PCSK5: variants seen among roughly 807,000 people sequenced by gnomAD.
PCSK5 encodes the protein prohormone convertase 5.
In PCSK5, 129 loss-of-function variants were observed where a neutral mutation model predicts 233.2. The ratio of observed to expected loss-of-function variants is 0.55; its 90% CI spans 0.48 to 0.64. The LOEUF is 0.64. PCSK5 is among the 30% of genes least tolerant of loss of function. PCSK5 has a pLI of 0.00. For synonymous variants in PCSK5, 825 were observed against 879.2 expected, an observed-to-expected ratio of 0.94 and a Z score of 1.09; for missense variants, 2,076 against 2,430.1, an observed-to-expected ratio of 0.85 and a Z score of 3.06.
At chr9:76,328,975 A>ATTTTTTTTTTTTTTTTTTTT (rs59466685) in intron 33 of PCSK5, among the ~76,000 whole-genome samples, 14 of 123,702 alleles carry the variant, frequency 1.1e-4, no homozygotes, top group Non-Finnish European at 1.3e-4. Context: ...CTCCCGGCTA[A>ATTTTTTTTTTTTTTTTTTTT]TTTTTTTTTT....
intron 10 of PCSK5, among the ~76,000 whole-genome samples, chr9:76,137,271 C>T (rs1823025780): frequency 6.6e-6 from 1 of 152,090 alleles, no homozygotes; most frequent in African/African-American, 2.4e-5. Flanking sequence ...TGGAGGTGCT[C>T]ACTGATGAGC....
chr9:76,169,185 T>G (rs1823221659), intron 12 of PCSK5, among the ~76,000 whole-genome samples: 1 of 152,166 alleles, frequency 6.6e-6, no homozygotes, highest in African/African-American at 2.4e-5. Context: ...ACTTGAGTTG[T>G]TTACAGTTTT....
At chr9:76,322,919 AG>A (rs1829248687) in intron 31 of PCSK5, 132 bp from the exon 32 acceptor site, 2 of 621,706 alleles carry the variant, frequency 3.2e-6, no homozygotes. Flanking sequence ...ATGCCCTGGC[AG>A]GGTGGGTAAA....
intron 24 of PCSK5, among the ~76,000 whole-genome samples, chr9:76,261,934 A>G (rs1259102275): frequency 6.6e-6 from 1 of 152,184 alleles, no homozygotes; most frequent in Non-Finnish European, 1.5e-5. Context: ...CTAGATATAC[A>G]ATCATGTCAT....
At chr9:76,319,952 C>T (rs945753107) in intron 30 of PCSK5, among the ~76,000 whole-genome samples, 12 of 152,164 alleles carry the variant, frequency 7.9e-5, no homozygotes, top group Admixed American at 5.2e-4. Context: ...AAGGGAAGGG[C>T]CCCCTATCCT....
At chr9:76,047,081 A>G (rs1442092128) in intron 5 of PCSK5, among the ~76,000 whole-genome samples, 2 of 151,802 alleles carry the variant, frequency 1.3e-5, no homozygotes, top group Admixed American at 1.3e-4. Flanking sequence ...CCTTATTTGC[A>G]TGGATACTTC....
intron 5 of PCSK5, among the ~76,000 whole-genome samples, chr9:76,066,162 T>C (rs1830279762): frequency 6.6e-6 from 1 of 152,218 alleles, no homozygotes; most frequent in Non-Finnish European, 1.5e-5. Flanking sequence ...TTTCCATTTC[T>C]GTGAAGAATG....
At chr9:76,202,145 C>A (rs1022012913) in intron 20 of PCSK5, among the ~76,000 whole-genome samples, 1 of 152,150 alleles carries the variant, frequency 6.6e-6, no homozygotes, top group African/African-American at 2.4e-5. Context: ...AACCGGAAGT[C>A]ATCTTGAACA....
intron 24 of PCSK5, among the ~76,000 whole-genome samples, chr9:76,260,652 G>A (rs1049126875): frequency 6.6e-6 from 1 of 152,136 alleles, no homozygotes; most frequent in African/African-American, 2.4e-5. Context: ...CAGCCCAACT[G>A]AATGAGGAAA....
intron 1 of PCSK5, among the ~76,000 whole-genome samples, chr9:75,919,624 C>T (rs1339656319): frequency 3.3e-5 from 5 of 152,100 alleles, no homozygotes; most frequent in Non-Finnish European, 5.9e-5. Flanking sequence ...TTATTTTTAT[C>T]TGATTTGATA....
At chr9:75,975,284 C>T (rs1413893732) in intron 2 of PCSK5, among the ~76,000 whole-genome samples, 1 of 152,130 alleles carries the variant, frequency 6.6e-6, no homozygotes, top group Non-Finnish European at 1.5e-5. Context: ...TAGGAGAAGA[C>T]AGTATGTGCA....
chr9:75,896,043 G>T (rs1825787263), intron 1 of PCSK5, among the ~76,000 whole-genome samples: 1 of 152,172 alleles, frequency 6.6e-6, no homozygotes, highest in Non-Finnish European at 1.5e-5. Flanking sequence ...GTTAGTTGGT[G>T]CTGTAGTCCC....
In PCSK5 at chr9:76,323,052, A is replaced by C. The variant is rs375843412; in HGVS notation, c.4103A>C (p.Glu1368Ala). 179 of 1,565,952 alleles carry C rather than the reference A, an allele frequency of 1.1e-4. 1 individual carries two copies. In the African/African-American group the frequency reaches 2.1e-3, roughly 18 times the overall value. ...QDCIHEKTCK[E>A]CTPEFFLHDD... is the part of the protein sequence containing the mutation. ...ACTTGCTGCTTCCTCCTTTTCCCAG[A>C]GTGCACGCCTGAGTTCTTCCTGCAC... Residue 1368 changes from glutamate (E) to alanine (A), a missense_variant and splice_region_variant, in exon 32 of 38, where the codon GAG becomes GCG. Glu to Ala is a moderately radical substitution (Grantham distance 107). This residue lies in a region of PCSK5 where 1,510 missense variants were observed against 1,538.1 expected (regional missense o/e 0.98). Coordinates refer to ENST00000674117, the MANE Select transcript of PCSK5 (RefSeq NM_001372043.1).
chr9:76,331,260 C>G (rs949650067), intron 33 of PCSK5, among the ~76,000 whole-genome samples: 4 of 152,144 alleles, frequency 2.6e-5, no homozygotes, highest in Non-Finnish European at 2.9e-5. Flanking sequence ...AAATGTATTA[C>G]TCTACTTGGT....
intron 24 of PCSK5, among the ~76,000 whole-genome samples, chr9:76,254,282 C>T (rs1324623785): frequency 6.6e-6 from 1 of 152,150 alleles, no homozygotes; most frequent in Non-Finnish European, 1.5e-5. Context: ...GACTATGGGT[C>T]ATGGGACTGT....
At chr9:76,267,616 T>C (rs956315980) in intron 24 of PCSK5, among the ~76,000 whole-genome samples, 1 of 152,120 alleles carries the variant, frequency 6.6e-6, no homozygotes, top group Non-Finnish European at 1.5e-5. Flanking sequence ...TTGTAGACAC[T>C]AAAGCAGAGT....
chr9:76,240,220 T>G (rs1459323722), intron 23 of PCSK5, among the ~76,000 whole-genome samples: 1 of 152,198 alleles, frequency 6.6e-6, no homozygotes, highest in Non-Finnish European at 1.5e-5. Context: ...TGTTTATGAA[T>G]GTAGTAAAAG....
At position 76,189,240 on chromosome 9, in the gene PCSK5, C is replaced by T. The variant is rs780044238; in HGVS notation, c.2510+17C>T. The stretch of plus-strand genomic sequence containing the variant: ...CTGCAAAAAGTAAGTGGATCTGCCC[C>T]CTGGGCCCTAGCATTTAGACCTAAG... On this transcript the variant is annotated intron_variant, in intron 19 of 37. Transcript: ENST00000674117. 11 of 1,608,930 alleles carry T rather than the reference C, an allele frequency of 6.8e-6. No individual in the cohort carries two copies. In the East Asian group the frequency reaches 2.0e-4, roughly 29 times the overall value.
At chr9:75,989,191 G>A (rs1032432138) in intron 3 of PCSK5, among the ~76,000 whole-genome samples, 1 of 152,108 alleles carries the variant, frequency 6.6e-6, no homozygotes, top group African/African-American at 2.4e-5. Flanking sequence ...CTCCATGATT[G>A]AATCAGTCAA....
Sources: gnomAD v4.1 joint callset for allele counts (sites outside exome capture counted in the v4.1 genomes callset) on GRCh38, gnomAD v4.1.1 for gene constraint, gnomAD v4.1.1 regional missense constraint, MANE v1.5 for transcripts, NCBI Gene and HGNC (gene_info 2026-07-23, HGNC 2026-07-21) for gene names.